NHS: variants seen among roughly 807,000 people sequenced by gnomAD.
NHS encodes NHS actin remodeling regulator.
In NHS, 5 loss-of-function variants were observed where a neutral mutation model predicts 72.5. The observed-to-expected ratio is 0.07, with a 90% CI of 0.04 to 0.14. The LOEUF (loss-of-function observed/expected upper bound fraction) is 0.14, where lower values mean the gene tolerates loss of function less well. NHS is among the 10% of genes least tolerant of loss of function. NHS has a pLI of 1.00. For synonymous variants in NHS, 464 were observed against 547.7 expected, an observed-to-expected ratio of 0.85 and a Z score of 2.13; for missense variants, 1,072 against 1,355.7, an observed-to-expected ratio of 0.79 and a Z score of 3.29.
At chrX:17,400,431 C>T (rs1042173821) in intron 1 of NHS, among the ~76,000 whole-genome samples, 1 of 110,589 alleles carries the variant, frequency 9.0e-6, no homozygotes. Flanking sequence ...ACTAAAAATA[C>T]AAAAATTAGC....
intron 1 of NHS, among the ~76,000 whole-genome samples, chrX:17,668,521 C>T (rs909087208): frequency 1.8e-5 from 2 of 111,033 alleles, no homozygotes; most frequent in Non-Finnish European, 3.8e-5. Context: ...AAGATCTGAC[C>T]TTGGGTCCTC....
chrX:17,401,797 T>C (rs1265421744), intron 1 of NHS, among the ~76,000 whole-genome samples: 1 of 111,787 alleles, frequency 8.9e-6, no homozygotes, highest in African/African-American at 3.3e-5. Flanking sequence ...ATAACAGTCA[T>C]TGGAGCTAGG....
At chrX:17,452,104 A>C (rs1277465453) in intron 1 of NHS, among the ~76,000 whole-genome samples, 1 of 111,484 alleles carries the variant, frequency 9.0e-6, no homozygotes, top group Non-Finnish European at 1.9e-5. Context: ...GCCCTCAAGG[A>C]ACTTACGGTT....
intron 1 of NHS, among the ~76,000 whole-genome samples, chrX:17,459,540 C>G (rs1348858668): frequency 2.7e-5 from 3 of 112,344 alleles, no homozygotes; most frequent in African/African-American, 9.7e-5. Context: ...ATTAAGCCCT[C>G]CCTATTCCTG....
At chrX:17,607,077 A>G (rs747648337) in intron 1 of NHS, among the ~76,000 whole-genome samples, 1 of 111,671 alleles carries the variant, frequency 9.0e-6, no homozygotes, top group East Asian at 2.8e-4. Context: ...GTCTGGCTCC[A>G]GGACTCAAGT....
chrX:17,592,010 ATGTGTGTGTGTG>A (rs57852279), intron 1 of NHS, among the ~76,000 whole-genome samples: 16 of 104,752 alleles, frequency 1.5e-4, no homozygotes, highest in African/African-American at 4.2e-4. Context: ...TGGTCCACTG[ATGTGTGTGTGTG>A]TGTGTGTGTG....
intron 1 of NHS, among the ~76,000 whole-genome samples, chrX:17,414,089 A>G (rs776026544): frequency 6.2e-5 from 7 of 112,398 alleles, no homozygotes; most frequent in African/African-American, 2.3e-4. Context: ...CCCAAGGTCC[A>G]GGCTACTTCT....
At chrX:17,580,956 G>A (rs1203679652) in intron 1 of NHS, among the ~76,000 whole-genome samples, 5 of 112,328 alleles carry the variant, frequency 4.5e-5, no homozygotes, top group Non-Finnish European at 9.4e-5. Context: ...GGGGAGGGCA[G>A]TGAGGAAGTT....
At chrX:17,411,931 T>C (rs904868169) in intron 1 of NHS, among the ~76,000 whole-genome samples, 5 of 111,438 alleles carry the variant, frequency 4.5e-5, no homozygotes, top group Non-Finnish European at 7.5e-5. Context: ...TTCACAATGG[T>C]ATTAGAATTA....
intron 1 of NHS, among the ~76,000 whole-genome samples, chrX:17,379,033 T>A (rs995169253): frequency 1.8e-5 from 2 of 111,547 alleles, no homozygotes; most frequent in African/African-American, 3.3e-5. Flanking sequence ...CTAGGGGAGT[T>A]TGAAAGGGAG....
intron 1 of NHS, among the ~76,000 whole-genome samples, chrX:17,683,755 A>C (rs1163341002): frequency 8.9e-6 from 1 of 112,055 alleles, no homozygotes; most frequent in Non-Finnish European, 1.9e-5. Flanking sequence ...AAAATGACAC[A>C]TAGAGCCTTA....
intron 1 of NHS, among the ~76,000 whole-genome samples, chrX:17,561,273 A>T (rs2065410717): frequency 8.9e-6 from 1 of 111,922 alleles, no homozygotes; most frequent in African/African-American, 3.3e-5. Flanking sequence ...TGGTGATGGA[A>T]CAGGCAGAAA....
At chrX:17,397,998 A>T (rs1266022960) in intron 1 of NHS, among the ~76,000 whole-genome samples, 1 of 112,507 alleles carries the variant, frequency 8.9e-6, no homozygotes, top group Non-Finnish European at 1.9e-5. Context: ...GTGGGCAGTG[A>T]TACAAAAGGG....
intron 1 of NHS, among the ~76,000 whole-genome samples, chrX:17,548,618 A>G (rs2065306683): frequency 8.9e-6 from 1 of 111,890 alleles, no homozygotes; most frequent in African/African-American, 3.3e-5. Flanking sequence ...ACACATATAG[A>G]CATGCATGTG....
At chrX:17,382,140 CA>C (rs2064381033) in intron 1 of NHS, among the ~76,000 whole-genome samples, 1 of 111,443 alleles carries the variant, frequency 9.0e-6, no homozygotes, top group Non-Finnish European at 1.9e-5. Context: ...ATTTTAGGTT[CA>C]GGGGTACATG....
At chrX:17,519,878 T>C (rs959393693) in intron 1 of NHS, among the ~76,000 whole-genome samples, 4 of 111,137 alleles carry the variant, frequency 3.6e-5, no homozygotes, top group Non-Finnish European at 5.7e-5. Flanking sequence ...GGCTCTTCAG[T>C]CTTTTAATTC....
At chrX:17,549,095 A>G (rs1234341656) in intron 1 of NHS, among the ~76,000 whole-genome samples, 1 of 101,015 alleles carries the variant, frequency 9.9e-6, no homozygotes, top group Non-Finnish European at 2.0e-5. Flanking sequence ...GGAGGGGGAG[A>G]CCTATTTGAA....
chrX:17,708,284 G>A (rs1339604342), intron 3 of NHS, among the ~76,000 whole-genome samples: 1 of 111,386 alleles, frequency 9.0e-6, no homozygotes, highest in Non-Finnish European at 1.9e-5. Context: ...TTCTACAATT[G>A]GGTCCTAACT....
intron 3 of NHS, among the ~76,000 whole-genome samples, chrX:17,712,255 A>G (rs772971596): frequency 0.047 from 1,581 of 33,995 alleles, 12 homozygotes; most frequent in African/African-American, 0.11. Context: ...GTGTGTGTGT[A>G]TATATATATA....
Sources: allele counts gnomAD v4.1 joint callset (sites outside exome capture counted in the v4.1 genomes callset), GRCh38; gene constraint gnomAD v4.1.1; transcripts MANE v1.5; gene names NCBI Gene and HGNC (gene_info 2026-07-23, HGNC 2026-07-21).